The following UBE2E3 variants were observed in gnomAD, a reference collection of about 807,000 sequenced individuals.
UBE2E3 encodes ubiquitin-conjugating enzyme E2 E3.
UBE2E3 carries 5 observed loss-of-function variants against 23.6 expected under a neutral mutation model. That is an observed-to-expected ratio of 0.21 (90% CI 0.11 to 0.44). The LOEUF (loss-of-function observed/expected upper bound fraction) is 0.44, where lower values mean the gene tolerates loss of function less well. UBE2E3 is among the 20% of genes least tolerant of loss of function. The probability of loss-of-function intolerance (pLI) is 0.99; values close to 1 mark genes in which losing one functional copy is unlikely to be tolerated. For missense variants in UBE2E3, 81 were observed against 249.8 expected, an observed-to-expected ratio of 0.32 and a Z score of 4.55; for synonymous variants, 78 against 87.5, an observed-to-expected ratio of 0.89 and a Z score of 0.60.
chr2:181,059,992 T>C (rs1457912416), intron 4 of UBE2E3, among the ~76,000 whole-genome samples: 6 of 151,902 alleles, frequency 3.9e-5, no homozygotes, highest in South Asian at 2.1e-4. Context: ...TTTGTTCTTA[T>C]GATTTATCTT....
At position 180,988,171 on chromosome 2, in the gene UBE2E3, G is replaced by C. The variant is rs139385912; in HGVS notation, c.245+4078G>C. On this transcript the variant is annotated intron_variant, in intron 3 of 5. Transcript: ENST00000410062. ...TTTTGTAGCAGTGTAAATCGAGTCA[G>C]TAAAGTGGCCACAGCAAGATAAAAA... Among the ~76,000 whole-genome samples the C allele has an allele frequency of 1.4e-3, 207 of 152,246 alleles. 1 individual carries two copies. Among genetic ancestry groups the C allele is most frequent in the African/African-American group, 4.6e-3 (193 of 41,558 alleles).
intron 2 of UBE2E3, 52 bp downstream of exon 2, chr2:180,982,288 GGT>G: frequency 6.5e-7 from 1 of 1,547,356 alleles, no homozygotes. Flanking sequence ...TCTTCCAGGT[GGT>G]TGGACGCTTT....
intron 3 of UBE2E3, among the ~76,000 whole-genome samples, chr2:181,009,162 C>T (rs894815374): frequency 1.3e-5 from 2 of 152,146 alleles, no homozygotes; most frequent in South Asian, 2.1e-4. Context: ...TCTATCTAGT[C>T]CCAGATTTTC....
chr2:180,993,957 TG>T (rs1684751943), intron 3 of UBE2E3, among the ~76,000 whole-genome samples: 1 of 152,176 alleles, frequency 6.6e-6, no homozygotes, highest in Non-Finnish European at 1.5e-5. Context: ...TATATATGCT[TG>T]TACTAAATTT....
intron 3 of UBE2E3, among the ~76,000 whole-genome samples, chr2:181,051,079 T>C (rs1331751247): frequency 1.3e-5 from 2 of 151,866 alleles, no homozygotes; most frequent in African/African-American, 4.8e-5. Context: ...AACTATCCTG[T>C]ATTTTTGGTC....
intron 3 of UBE2E3, among the ~76,000 whole-genome samples, chr2:181,021,562 T>TTCCTC (rs1685681563): frequency 2.8e-5 from 1 of 35,334 alleles, no homozygotes; most frequent in Non-Finnish European, 5.7e-5. Context: ...CTCCCTTCCT[T>TTCCTC]CCTTCCTTCC....
intron 3 of UBE2E3, among the ~76,000 whole-genome samples, chr2:181,010,264 G>A (rs1330901113): frequency 6.6e-6 from 1 of 152,046 alleles, no homozygotes; most frequent in African/African-American, 2.4e-5. Context: ...TTAATTTCAG[G>A]TGTGTCAGCT....
chr2:181,044,898 A>T (rs1686625780), intron 3 of UBE2E3, among the ~76,000 whole-genome samples: 1 of 152,190 alleles, frequency 6.6e-6, no homozygotes, highest in Admixed American at 6.6e-5. Context: ...AATGTTCTAG[A>T]ATTAATAATA....
rs570545657 is a variant in UBE2E3, at chr2:181,036,449, G to A, written c.246-21244G>A. ...AGGAAAAAACCTGATTCCTGGCAGGGGCCATTGTGTGGAGTTTGCATCTTC... is the reference window on the plus strand; with the variant it reads ...AGGAAAAAACCTGATTCCTGGCAGGAGCCATTGTGTGGAGTTTGCATCTTC... On this transcript the variant is annotated intron_variant, in intron 3 of 5. Coordinates refer to ENST00000410062, the MANE Select transcript of UBE2E3 (RefSeq NM_006357.4). Among the ~76,000 whole-genome samples, 5 of 152,336 alleles carry A rather than the reference G, an allele frequency of 3.3e-5. No individual in the cohort carries two copies. In the East Asian group the frequency reaches 7.7e-4, roughly 24 times the overall value.
At chr2:181,040,833 G>T (rs1686467334) in intron 3 of UBE2E3, among the ~76,000 whole-genome samples, 1 of 152,170 alleles carries the variant, frequency 6.6e-6, no homozygotes, top group Non-Finnish European at 1.5e-5. Flanking sequence ...GTTAGATCCA[G>T]AGAGTTAGAC....
At chr2:181,048,755 CTGTT>C (rs1686744454) in intron 3 of UBE2E3, among the ~76,000 whole-genome samples, 1 of 152,116 alleles carries the variant, frequency 6.6e-6, no homozygotes, top group South Asian at 2.1e-4. Flanking sequence ...GGAATAACAA[CTGTT>C]CACTTATAAA....
At chr2:181,011,784 C>T (rs899701857) in intron 3 of UBE2E3, among the ~76,000 whole-genome samples, 12 of 152,170 alleles carry the variant, frequency 7.9e-5, no homozygotes, top group African/African-American at 1.9e-4. Flanking sequence ...TTTATTTTGG[C>T]TTTTAAAATG....
chr2:181,034,608 A>G (rs921285955), intron 3 of UBE2E3, among the ~76,000 whole-genome samples: 1 of 152,238 alleles, frequency 6.6e-6, no homozygotes, highest in Non-Finnish European at 1.5e-5. Flanking sequence ...GCACACCAAC[A>G]TGGCACATGT....
In UBE2E3 at chr2:181,060,751, C is replaced by T. The variant is rs140478649; in HGVS notation, c.465C>T (p.Pro155=). ...ACATCCTTAAAGACAACTGGAGTCCCGCTTTGACTATTTCAAAGGTTTTGC... is the reference window on the plus strand; with the variant it reads ...ACATCCTTAAAGACAACTGGAGTCCTGCTTTGACTATTTCAAAGGTTTTGC... ...CLDILKDNWS[P]ALTISKVLLS... Residue 155 remains proline (P), a synonymous_variant, in exon 5 of 6, where the codon CCC becomes CCT. Coordinates refer to ENST00000410062, the MANE Select transcript of UBE2E3 (RefSeq NM_006357.4). 1.6e-5 allele frequency: 25 copies of T among 1,611,050 alleles called. No individual in the cohort carries two copies. The highest frequency in any genetic ancestry group is 9.4e-5 in the African/African-American group (7 of 74,516).
At chr2:181,047,510 A>G (rs973892722) in intron 3 of UBE2E3, among the ~76,000 whole-genome samples, 11 of 152,048 alleles carry the variant, frequency 7.2e-5, no homozygotes, top group South Asian at 2.1e-4. Context: ...TTCAACATCC[A>G]TATCTTAGTT....
chr2:181,044,308 T>A (rs1293290791), intron 3 of UBE2E3, among the ~76,000 whole-genome samples: 1 of 152,164 alleles, frequency 6.6e-6, no homozygotes, highest in Non-Finnish European at 1.5e-5. Flanking sequence ...ACTAAAAATT[T>A]AGAAACTGAC....
chr2:181,025,051 G>A (rs1257259951), intron 3 of UBE2E3, among the ~76,000 whole-genome samples: 3 of 152,062 alleles, frequency 2.0e-5, no homozygotes, highest in South Asian at 2.1e-4. Flanking sequence ...CTTTCATGTG[G>A]CTTTAGTTAG....
chr2:181,001,196 TAAA>T (rs1684978877), intron 3 of UBE2E3, among the ~76,000 whole-genome samples: 1 of 152,208 alleles, frequency 6.6e-6, no homozygotes, highest in Non-Finnish European at 1.5e-5. Context: ...AGAGTTCCTT[TAAA>T]GCTCTAGTGT....
At chr2:180,989,804 C>A in intron 3 of UBE2E3, 1 of 1,405,014 alleles carries the variant, frequency 7.1e-7, no homozygotes, top group Non-Finnish European at 9.5e-7. Context: ...CAGTCATATT[C>A]CTCTCATAAC....
Sources: gnomAD v4.1 joint callset for allele counts (sites outside exome capture counted in the v4.1 genomes callset) on GRCh38, gnomAD v4.1.1 for gene constraint, MANE v1.5 for transcripts, NCBI Gene and HGNC (gene_info 2026-07-23, HGNC 2026-07-21) for gene names.